Variants in SHPRH observed in about 807,000 individuals in gnomAD.
The protein encoded by SHPRH is SNF2 histone linker PHD RING helicase, also known as E3 ubiquitin-protein ligase SHPRH.
Under a neutral mutation model 202.5 loss-of-function variants are expected in SHPRH, and 106 were observed. The ratio of observed to expected loss-of-function variants is 0.52; its 90% CI spans 0.45 to 0.62. SHPRH has a LOEUF of 0.62. SHPRH is among the 20% of genes least tolerant of loss of function. SHPRH has a pLI of 0.00. For missense variants in SHPRH, 1,710 were observed against 2,020.0 expected (o/e 0.85, Z 2.94); for synonymous variants, 729 against 686.0 (o/e 1.06, Z -0.98).
chr6:145,865,558 G>T (rs1779740249), intron 2 of SHPRH, among the ~76,000 whole-genome samples: 1 of 152,328 alleles, frequency 6.6e-6, no homozygotes, highest in Non-Finnish European at 1.5e-5. Context: ...CTTTGACCCT[G>T]TTTAGGAGAT....
intron 25 of SHPRH, among the ~76,000 whole-genome samples, chr6:145,899,089 T>C (rs1782267086): frequency 6.6e-6 from 1 of 152,116 alleles, no homozygotes; most frequent in Non-Finnish European, 1.5e-5. Context: ...ACTGAGATTA[T>C]AGGCATGAGT....
chr6:145,954,582 C>A (rs1788305032), intron 2 of SHPRH, 108 bp downstream of exon 2: 3 of 1,164,076 alleles, frequency 2.6e-6, no homozygotes, highest in Non-Finnish European at 3.6e-6. Flanking sequence ...TGAAACTTAA[C>A]AATGAAAGGC....
rs752340212 is a variant in SHPRH at position 145,943,475 on chromosome 6, G to C, written c.1906C>G (p.Leu636Val). The C allele has an allele frequency of 1.2e-6, 2 of 1,613,994 alleles. No homozygotes were observed. Among genetic ancestry groups the C allele is most frequent in the Admixed American group, 1.7e-5 (1 of 59,998 alleles). Residue 636 changes from leucine (L) to valine (V), a missense_variant, in exon 9 of 30, where the codon CTA (leucine) becomes GTA (valine). Physicochemically the swap from Leu to Val is conservative, Grantham distance 32. Around this residue, in one of 8 missense-constraint regions of SHPRH, gnomAD observed 348 missense variants for 356.9 expected, o/e 0.97. Coordinates refer to ENST00000275233, the MANE Select transcript of SHPRH (RefSeq NM_001042683.3). ...GGTACATCACTATCAGCATGATTTAGAGATTCAGCACAGTCCTCTGTTTCA... is the reference window on the plus strand; with the variant it reads ...GGTACATCACTATCAGCATGATTTACAGATTCAGCACAGTCCTCTGTTTCA... Reference protein sequence around the residue: ...EHETEDCAESLNHADSDVPPS... With the variant: ...EHETEDCAESVNHADSDVPPS...
downstream of SHPRH, among the ~76,000 whole-genome samples, chr6:145,882,489 C>T (rs1478204273): frequency 2.0e-5 from 3 of 152,110 alleles, no homozygotes; most frequent in South Asian, 2.1e-4. Flanking sequence ...AGTTTAATAG[C>T]GGATTCACTT....
chr6:145,940,006 GA>G (rs1250908638), intron 11 of SHPRH, among the ~76,000 whole-genome samples: 1 of 152,046 alleles, frequency 6.6e-6, no homozygotes, highest in African/African-American at 2.4e-5. Flanking sequence ...AACTTTTAGG[GA>G]AATACATAAA....
At chr6:145,934,678 A>C (rs930001731) in intron 13 of SHPRH, among the ~76,000 whole-genome samples, 1 of 151,456 alleles carries the variant, frequency 6.6e-6, no homozygotes, top group African/African-American at 2.4e-5. Flanking sequence ...AAAAAAAAAC[A>C]AACAACAACA....
intron 23 of SHPRH, among the ~76,000 whole-genome samples, chr6:145,915,705 T>C (rs1783890607): frequency 1.3e-5 from 2 of 152,206 alleles, no homozygotes; most frequent in South Asian, 4.1e-4. Flanking sequence ...TTTATTAGTG[T>C]TCCTTTGTAA....
At chr6:145,875,148 G>A (rs2128694636) in intron 2 of SHPRH, among the ~76,000 whole-genome samples, 1 of 152,260 alleles carries the variant, frequency 6.6e-6, no homozygotes, top group East Asian at 1.9e-4. Context: ...CCAAGATATG[G>A]GATACTCATC....
chr6:145,943,082 A>T, intron 9 of SHPRH, 61 bp downstream of exon 9: 1 of 1,488,162 alleles, frequency 6.7e-7, no homozygotes, highest in Non-Finnish European at 9.0e-7. Context: ...AGATTAGGAA[A>T]CTATCATGAA....
At chr6:145,908,608 T>G (rs778420799) in intron 25 of SHPRH, 3 of 152,090 alleles carry the variant, frequency 2.0e-5, no homozygotes, top group Non-Finnish European at 4.4e-5. Flanking sequence ...GATGGGGTTG[T>G]TTTTTTCTTA....
chr6:145,916,018 T>G (rs1180716572), intron 23 of SHPRH, among the ~76,000 whole-genome samples: 1 of 152,116 alleles, frequency 6.6e-6, no homozygotes, highest in African/African-American at 2.4e-5. Flanking sequence ...GTCTCAAATC[T>G]CTTTTGCCCT....
chr6:145,873,967 G>C (rs1385086585), intron 2 of SHPRH, among the ~76,000 whole-genome samples: 1 of 152,048 alleles, frequency 6.6e-6, no homozygotes, highest in African/African-American at 2.4e-5. Flanking sequence ...GGGAGTCTGA[G>C]GCAGGTGGAT....
At chr6:145,922,909 T>C (rs1431951566) in intron 18 of SHPRH, 73 bp from the exon 19 acceptor site, 4 of 1,440,978 alleles carry the variant, frequency 2.8e-6, no homozygotes, top group Non-Finnish European at 3.7e-6. Flanking sequence ...ATTCAGAGAA[T>C]GGTTGCCAAA....
rs779550248 is a variant in SHPRH at position 145,927,268 on chromosome 6, G to A, written c.3122C>T (p.Ala1041Val). ...AGIHIIKGEY[A>V]LAAELYREVL... ...TTCTCTGTACAATTCTGCTGCCAAG[G>A]CATACTCACCTAAAGAATTAAAATG... The change falls in exon 15 of 30, where the codon GCC (alanine) becomes GTC (valine). Residue 1041 changes from alanine to valine, a missense_variant. Physicochemically the swap from Ala to Val is moderately conservative, Grantham distance 64 (BLOSUM62 0). Around this residue, in one of 8 missense-constraint regions of SHPRH, gnomAD observed 288 missense variants for 317.8 expected, o/e 0.91. Transcript: ENST00000275233. The A allele has an allele frequency of 6.2e-7, 1 of 1,610,822 alleles. No individual in the cohort carries two copies. Among genetic ancestry groups the A allele is most frequent in the Non-Finnish European group, 8.5e-7 (1 of 1,178,386 alleles).
Position 145,947,589 on chromosome 6 carries a change from T to G in SHPRH, c.1116A>C (p.Ala372=), listed in dbSNP as rs199973068. ...SGPQLLGGIL[A]DEMGLGKTVE... The stretch of plus-strand genomic sequence containing the variant: ...CTGTCTTTCCAAGACCCATCTCATC[T>G]GCTAAAATTCCACCAAGCAACTGCG... The change falls in exon 6 of 30, where the codon GCA becomes GCC. Residue 372 remains alanine, a synonymous_variant. Coordinates refer to ENST00000275233, the MANE Select transcript of SHPRH (RefSeq NM_001042683.3). The G allele has an allele frequency of 1.2e-4, 195 of 1,612,944 alleles. 1 individual carries two copies. In the African/African-American group the frequency reaches 1.9e-3, roughly 16 times the overall value.
At chr6:145,927,158 A>C in intron 15 of SHPRH, 31 bp downstream of exon 15, 4 of 1,577,820 alleles carry the variant, frequency 2.5e-6, no homozygotes, top group Non-Finnish European at 3.5e-6. Flanking sequence ...AACAAACAGA[A>C]TACCTATGAA....
Position 145,946,237 on chromosome 6 carries a change from G to C in SHPRH, c.1317C>G (p.Cys439Trp), listed in dbSNP as rs1188319090. ...TTTAAGAGATGTCTTACTTACGAGG[G>C]CATTGAACTTTTTCTTTTGGTTCAA... Reference protein sequence around the residue: ...IEFEPKEKVQCPPTRVMILTA... With the variant: ...IEFEPKEKVQWPPTRVMILTA... The change falls in exon 7 of 30, where the codon TGC becomes TGG. Residue 439 changes from cysteine (C) to tryptophan (W), a missense_variant. Transcript: ENST00000275233. 6.2e-7 allele frequency: 1 copy of C among 1,605,784 alleles called. No homozygotes were observed. The highest frequency in any genetic ancestry group is 1.7e-5 in the Admixed American group (1 of 59,270).
intron 8 of SHPRH, 74 bp from the exon 9 acceptor site, chr6:145,943,876 G>A (rs950471685): frequency 7.6e-7 from 1 of 1,323,526 alleles, no homozygotes; most frequent in Non-Finnish European, 1.0e-6. Context: ...CTTTATGTAA[G>A]TACTTCATAT....
At chr6:145,860,546 C>A (rs13198566), downstream of SHPRH, among the ~76,000 whole-genome samples, 3 of 151,902 alleles carry the variant, frequency 2.0e-5, no homozygotes, top group Non-Finnish European at 4.4e-5. Context: ...ATTTGAAGAA[C>A]TGATATTGTT....
Sources: gnomAD v4.1 joint callset for allele counts (sites outside exome capture counted in the v4.1 genomes callset) on GRCh38, gnomAD v4.1.1 for gene constraint, gnomAD v4.1.1 regional missense constraint, MANE v1.5 for transcripts, NCBI Gene and HGNC (gene_info 2026-07-23, HGNC 2026-07-21) for gene names.